ZNF425: variants seen among roughly 807,000 people sequenced by gnomAD.
The protein encoded by ZNF425 is zinc finger protein 425.
In ZNF425, 21 loss-of-function variants were observed where a neutral mutation model predicts 17.0. The observed-to-expected ratio is 1.23, with a 90% CI of 0.88 to 1.78. The LOEUF (loss-of-function observed/expected upper bound fraction) is 1.78, where lower values mean the gene tolerates loss of function less well. Among genes scored for constraint, ZNF425 ranks in the 40% most tolerant of loss-of-function variants. ZNF425 has a pLI of 0.00. For synonymous variants in ZNF425, 433 were observed against 384.1 expected (o/e 1.13, Z -1.49); for missense variants, 868 against 967.3 (o/e 0.90, Z 1.36).
At position 149,118,286 on chromosome 7, in the gene ZNF425, C is replaced by T. The variant is rs754254351; in HGVS notation, c.81G>A (p.Glu27=). 3.1e-6 allele frequency: 5 copies of T among 1,614,032 alleles called. No homozygotes were observed. The highest frequency in any genetic ancestry group is 2.7e-5 in the African/African-American group (2 of 74,922). Residue 27 remains glutamate (E), a synonymous_variant, in exon 2 of 4, where the codon GAG becomes GAA. Transcript: ENST00000378061. ...YFSEQEWEIL[E]KWQKQMYKQE... ...GCTTATACATTTGCTTCTGCCACTT[C>T]TCCAGGATCTCCCACTCTTGTTCCG...
chr7:149,104,972 C>T lies in ZNF425; in HGVS notation c.899G>A (p.Arg300Gln), dbSNP rs147221455. 71 of 1,614,156 alleles carry T rather than the reference C, an allele frequency of 4.4e-5. No homozygotes were observed. Among genetic ancestry groups the T allele is most frequent in the Non-Finnish European group, 5.5e-5 (65 of 1,180,048 alleles). The change falls in exon 4 of 4, where the codon CGG becomes CAG. Residue 300 changes from arginine to glutamine, a missense_variant. This residue lies in a region of ZNF425 where 243 missense variants were observed against 265.2 expected (regional missense o/e 0.92). Transcript: ENST00000378061. This position sits in a 1 kb window ranked among gnomAD's most constrained non-coding sequence, Gnocchi z 4.3. ...GCCGCACTCCCCGCAGCAGAACGGCCGCTCCCCGCGGTGTAGACACAGGTG... is the reference window on the plus strand; with the variant it reads ...GCCGCACTCCCCGCAGCAGAACGGCTGCTCCCCGCGGTGTAGACACAGGTG... ...KKHLCLHRGE[R>Q]PFCCGECGRA...
chr7:149,122,612 G>A (rs1468976076), intron 1 of ZNF425, among the ~76,000 whole-genome samples: 1 of 152,090 alleles, frequency 6.6e-6, no homozygotes, highest in Non-Finnish European at 1.5e-5. Flanking sequence ...TTCCCACTGT[G>A]CCCTAGGTTC....
At chr7:149,112,088 A>C in intron 3 of ZNF425, 49 bp downstream of exon 3, 1 of 1,564,326 alleles carries the variant, frequency 6.4e-7, no homozygotes, top group South Asian at 1.2e-5. Flanking sequence ...TTCAGGAAAC[A>C]AGGCTAGGAA....
chr7:149,116,432 T>C (rs984678312), intron 2 of ZNF425, among the ~76,000 whole-genome samples: 6 of 152,156 alleles, frequency 3.9e-5, no homozygotes, highest in South Asian at 2.1e-4. Flanking sequence ...TTTTTCCACA[T>C]CTAATCCATC....
chr7:149,116,263 T>A (rs1324841082), intron 2 of ZNF425, among the ~76,000 whole-genome samples: 3 of 152,206 alleles, frequency 2.0e-5, no homozygotes, highest in African/African-American at 4.8e-5. Flanking sequence ...AACATGGAAT[T>A]CCAGTTTCAC....
chr7:149,112,461 C>G (rs141974140), intron 2 of ZNF425, 166 bp from the exon 3 acceptor site: 2 of 562,392 alleles, frequency 3.6e-6, no homozygotes, highest in African/African-American at 3.8e-5. Flanking sequence ...CAGCAAACTC[C>G]GTCTCTACTA....
At chr7:149,108,840 T>A (rs28560406) in intron 3 of ZNF425, among the ~76,000 whole-genome samples, 1 of 152,048 alleles carries the variant, frequency 6.6e-6, no homozygotes, top group African/African-American at 2.4e-5. Context: ...TGCAGTGAGC[T>A]GAGATTGCAC....
intron 2 of ZNF425, among the ~76,000 whole-genome samples, chr7:149,114,931 C>CTTTTTTTTTTTTTT (rs35954198): frequency 1.0e-3 from 105 of 101,022 alleles, no homozygotes; most frequent in Middle Eastern, 4.7e-3. Flanking sequence ...TCTTTCTTTT[C>CTTTTTTTTTTTTTT]TTTTTTTTTT....
chr7:149,107,387 G>A (rs996663325), intron 3 of ZNF425, among the ~76,000 whole-genome samples: 1 of 150,940 alleles, frequency 6.6e-6, no homozygotes, highest in Non-Finnish European at 1.5e-5. Flanking sequence ...GCCCAGGCTG[G>A]AGTGCAGTAG....
intron 3 of ZNF425, among the ~76,000 whole-genome samples, chr7:149,108,973 C>G (rs113191944): frequency 0.045 from 6,797 of 152,118 alleles, 516 homozygotes; most frequent in African/African-American, 0.15. Context: ...CCTGGCCTCA[C>G]GTCGTCTAAC....
Position 149,104,518 on chromosome 7 carries a change from G to C in ZNF425, c.1353C>G (p.Phe451Leu). Reference sequence around the variant, plus strand: ...GGGCGCGCATGGCGTTCCTCCAGAAGAAGCCCCTGCTGCACTCCGGGCACT... The same window carrying C: ...GGGCGCGCATGGCGTTCCTCCAGAACAAGCCCCTGCTGCACTCCGGGCACT... ...PFQCPECSRGFFWRNAMRAHQ... is the reference protein window; with the variant it reads ...PFQCPECSRGLFWRNAMRAHQ... Residue 451 changes from phenylalanine (F) to leucine (L), a missense_variant, in exon 4 of 4, where the codon TTC becomes TTG. Around this residue, in one of 5 missense-constraint regions of ZNF425, gnomAD observed 437 missense variants for 444.2 expected, o/e 0.98. Coordinates refer to ENST00000378061, the MANE Select transcript of ZNF425 (RefSeq NM_001001661.3). The surrounding 1 kb of genome is among the most constrained non-coding windows in gnomAD (Gnocchi z 4.3). 1 of 1,603,582 alleles carries C rather than the reference G, an allele frequency of 6.2e-7. No homozygotes were observed. The highest frequency in any genetic ancestry group is 1.1e-5 in the South Asian group (1 of 89,578).
At position 149,103,351 on chromosome 7, in the gene ZNF425, G is replaced by A; in HGVS notation, c.*261C>T. On this transcript the variant is annotated 3_prime_UTR_variant, in exon 4 of 4. Transcript: ENST00000378061. ...CCTGCCTCAACCTCCCAAAGTAGCT[G>A]GGACCACAAGCATGCACCACAACGC... 2.4e-6 allele frequency: 1 copy of A among 408,252 alleles called. No individual in the cohort carries two copies. Among genetic ancestry groups the A allele is most frequent in the South Asian group, 4.4e-5 (1 of 22,934 alleles). 25.3% of individuals were successfully genotyped at this position (408,252 alleles called of 1,614,324 possible).
intron 1 of ZNF425, among the ~76,000 whole-genome samples, chr7:149,125,328 C>A (rs894347827): frequency 2.0e-5 from 3 of 152,184 alleles, no homozygotes; most frequent in Non-Finnish European, 4.4e-5. Context: ...ATACGCCTTT[C>A]AAACTCTAAA....
intron 3 of ZNF425, among the ~76,000 whole-genome samples, chr7:149,106,313 G>A (rs749949217): frequency 2.0e-5 from 3 of 150,402 alleles, no homozygotes; most frequent in African/African-American, 7.4e-5. Flanking sequence ...GCGTGATCTC[G>A]GCTCACTGCA....
chr7:149,111,398 T>C (rs558376226), intron 3 of ZNF425, among the ~76,000 whole-genome samples: 1 of 151,380 alleles, frequency 6.6e-6, no homozygotes, highest in South Asian at 2.1e-4. Context: ...GAGACCAGCC[T>C]GGCCAATATG....
intron 2 of ZNF425, among the ~76,000 whole-genome samples, chr7:149,115,530 A>G (rs1826250907): frequency 6.6e-6 from 1 of 151,536 alleles, no homozygotes. Flanking sequence ...TCTCTACTAA[A>G]AATATAAAAA....
At chr7:149,121,642 G>C (rs552545218) in intron 1 of ZNF425, among the ~76,000 whole-genome samples, 1 of 151,968 alleles carries the variant, frequency 6.6e-6, no homozygotes, top group Non-Finnish European at 1.5e-5. Flanking sequence ...CGCCCACCTC[G>C]GCCTCCCAAA....
chr7:149,126,311 A>G lies in ZNF425; in HGVS notation c.-98T>C. On this transcript the variant is annotated 5_prime_UTR_variant, in exon 1 of 4. Coordinates refer to ENST00000378061, the MANE Select transcript of ZNF425 (RefSeq NM_001001661.3). ...CAGCCCTGCTGGCCCCCAAAGGCAG[A>G]GCCGGCCGGGCGCGGTGCATGCTGG... 1 of 1,495,118 alleles carries G rather than the reference A, an allele frequency of 6.7e-7. No individual in the cohort carries two copies. Among genetic ancestry groups the G allele is most frequent in the African/African-American group, 1.4e-5 (1 of 70,252 alleles). 92.6% of individuals were successfully genotyped at this position (1,495,118 alleles called of 1,614,324 possible).
Position 149,104,944 on chromosome 7 carries a change from C to A in ZNF425, c.927G>T (p.Arg309=). The A allele has an allele frequency of 3.7e-6, 6 of 1,613,846 alleles. No individual in the cohort carries two copies. Among genetic ancestry groups the A allele is most frequent in the Non-Finnish European group, 5.1e-6 (6 of 1,179,976 alleles). Residue 309 remains arginine (R), a synonymous_variant, in exon 4 of 4, where the codon CGG becomes CGT. Transcript: ENST00000378061. This position sits in a 1 kb window ranked among gnomAD's most constrained non-coding sequence, Gnocchi z 4.3. The part of the protein sequence containing the change: ...ERPFCCGECG[R]AFVQQCELTE... ...TGAGCTCGCACTGCTGCACGAAGGCCCGGCCGCACTCCCCGCAGCAGAACG... is the reference window on the plus strand; with the variant it reads ...TGAGCTCGCACTGCTGCACGAAGGCACGGCCGCACTCCCCGCAGCAGAACG...
Sources: gnomAD v4.1 joint callset for allele counts (sites outside exome capture counted in the v4.1 genomes callset) on GRCh38, gnomAD v4.1.1 for gene constraint, gnomAD v4.1.1 regional missense constraint, Gnocchi (gnomAD v3.1) non-coding constraint, MANE v1.5 for transcripts, NCBI Gene and HGNC (gene_info 2026-07-23, HGNC 2026-07-21) for gene names.